Variants in ACVR1 observed in about 807,000 individuals in gnomAD.
ACVR1 encodes activin A receptor type 1.
A neutral mutation model predicts 57.1 loss-of-function variants in ACVR1; 38 were observed. The observed-to-expected ratio is 0.67, with a 90% confidence interval of 0.51 to 0.87. The LOEUF is 0.87. Ranked by LOEUF, ACVR1 falls within the 40% of genes least tolerant of loss-of-function variation. ACVR1 has a pLI of 0.00. For synonymous variants in ACVR1, 212 were observed against 228.1 expected, an observed-to-expected ratio of 0.93 and a Z score of 0.63; for missense variants, 463 against 638.2, an observed-to-expected ratio of 0.73 and a Z score of 2.96.
chr2:157,862,422 TACACACACAC>T (rs68077740), intron 1 of ACVR1, among the ~76,000 whole-genome samples: 9,328 of 143,704 alleles, frequency 0.065, 304 homozygotes, highest in African/African-American at 0.071. Context: ...CATATACACA[TACACACACAC>T]ACACACACAC....
intron 1 of ACVR1, among the ~76,000 whole-genome samples, chr2:157,841,654 G>T (rs1010940978): frequency 6.6e-6 from 1 of 152,126 alleles, no homozygotes; most frequent in African/African-American, 2.4e-5. Flanking sequence ...GGAGGCTATA[G>T]TGTACCATGA....
chr2:157,788,109 G>A (rs1686779564), intron 3 of ACVR1, among the ~76,000 whole-genome samples: 2 of 152,138 alleles, frequency 1.3e-5, no homozygotes. Context: ...ACAGCTAAAG[G>A]TGAAAATGTC....
chr2:157,796,934 C>T (rs1284455981), intron 3 of ACVR1, among the ~76,000 whole-genome samples: 1 of 152,156 alleles, frequency 6.6e-6, no homozygotes, highest in East Asian at 1.9e-4. Context: ...ATGGGAATAT[C>T]TTTAACAACA....
At chr2:157,744,292 TA>T (rs1684881473) in intron 9 of ACVR1, among the ~76,000 whole-genome samples, 1 of 152,156 alleles carries the variant, frequency 6.6e-6, no homozygotes, top group Non-Finnish European at 1.5e-5. Context: ...GCATTAGAAG[TA>T]AAGCTATTTT....
At chr2:157,751,647 G>A (rs1215561799) in intron 9 of ACVR1, among the ~76,000 whole-genome samples, 1 of 152,170 alleles carries the variant, frequency 6.6e-6, no homozygotes. Flanking sequence ...GGCCTTTTGG[G>A]TTGTGTGGGA....
chr2:157,779,879 A>G (rs1002099015), intron 4 of ACVR1, among the ~76,000 whole-genome samples: 2 of 152,164 alleles, frequency 1.3e-5, no homozygotes, highest in Admixed American at 6.5e-5. Flanking sequence ...GAGGTCAGTG[A>G]GCCTTCTTTT....
At chr2:157,847,600 T>C (rs1488476105) in intron 1 of ACVR1, among the ~76,000 whole-genome samples, 3 of 152,220 alleles carry the variant, frequency 2.0e-5, no homozygotes, top group Non-Finnish European at 4.4e-5. Context: ...ATATTGAATG[T>C]TCCGTTCAAA....
intron 7 of ACVR1, among the ~76,000 whole-genome samples, chr2:157,768,791 T>C (rs868319330): frequency 2.6e-5 from 4 of 152,218 alleles, no homozygotes; most frequent in Admixed American, 1.3e-4. Flanking sequence ...TGTATATTGG[T>C]TACCTCAACA....
At position 157,837,398 on chromosome 2, in the gene ACVR1, C is replaced by T. The variant is rs527861916; in HGVS notation, c.-182-18839G>A. Among the ~76,000 whole-genome samples, 34 of 152,242 alleles carry T rather than the reference C, an allele frequency of 2.2e-4. No homozygotes were observed. The South Asian group carries it at 4.8e-3, about 21-fold the overall frequency. On this transcript the variant is annotated intron_variant, in intron 1 of 10. Coordinates refer to ENST00000434821, the MANE Select transcript of ACVR1 (RefSeq NM_001111067.4). ...ACAGAAGAGAGCTTCACTCAGAGAA[C>T]GGGTTCAGGAAGTACATATAGAATG...
intron 3 of ACVR1, among the ~76,000 whole-genome samples, chr2:157,795,511 C>A (rs990822802): frequency 2.6e-5 from 4 of 151,898 alleles, no homozygotes; most frequent in African/African-American, 7.3e-5. Context: ...GGCTATAGCA[C>A]TCACTGGATA....
intron 2 of ACVR1, among the ~76,000 whole-genome samples, chr2:157,808,867 C>T: frequency 7.9e-6 from 1 of 127,358 alleles, no homozygotes; most frequent in Admixed American, 9.2e-5. Flanking sequence ...AGGTAACAGT[C>T]AGTAATACAT....
intron 9 of ACVR1, among the ~76,000 whole-genome samples, chr2:157,758,690 GACCAAATGGACC>G (rs1465832504): frequency 1.3e-5 from 2 of 151,982 alleles, no homozygotes; most frequent in African/African-American, 2.4e-5. Flanking sequence ...ATGTACTTTA[GACCAAATGGACC>G]TAACAGGCAC....
intron 1 of ACVR1, among the ~76,000 whole-genome samples, chr2:157,866,390 C>T: frequency 6.6e-6 from 1 of 151,948 alleles, no homozygotes; most frequent in East Asian, 1.9e-4. Context: ...GTGGACACAG[C>T]TGATTAAGAA....
chr2:157,753,373 C>T (rs1053650128), intron 9 of ACVR1, among the ~76,000 whole-genome samples: 1 of 152,046 alleles, frequency 6.6e-6, no homozygotes, highest in African/African-American at 2.4e-5. Flanking sequence ...CCTAAAAATA[C>T]AAAAATTAGC....
chr2:157,750,029 G>C (rs959711103), intron 9 of ACVR1, among the ~76,000 whole-genome samples: 1 of 152,134 alleles, frequency 6.6e-6, no homozygotes, highest in African/African-American at 2.4e-5. Flanking sequence ...GGATGAGCCC[G>C]CCCAGCCTGC....
chr2:157,838,647 G>A (rs1031484073), intron 1 of ACVR1, among the ~76,000 whole-genome samples: 14 of 152,204 alleles, frequency 9.2e-5, no homozygotes, highest in East Asian at 3.9e-4. Flanking sequence ...CTCATGCTCC[G>A]TGAGTCATGG....
chr2:157,809,953 G>A (rs899852411), intron 2 of ACVR1, among the ~76,000 whole-genome samples: 1 of 152,084 alleles, frequency 6.6e-6, no homozygotes, highest in Non-Finnish European at 1.5e-5. Flanking sequence ...GTGTGGGCCT[G>A]TAGTCCCAGC....
chr2:157,794,807 G>GA (rs1438779300), intron 3 of ACVR1, among the ~76,000 whole-genome samples: 2 of 151,046 alleles, frequency 1.3e-5, no homozygotes, highest in Non-Finnish European at 2.9e-5. Context: ...TATAAGTGGT[G>GA]AAAAAATCTT....
chr2:157,753,804 T>A (rs1009513554), intron 9 of ACVR1, among the ~76,000 whole-genome samples: 2 of 152,156 alleles, frequency 1.3e-5, no homozygotes, highest in South Asian at 4.1e-4. Flanking sequence ...CCACAGAATA[T>A]ACATTCTATT....
Sources: gnomAD v4.1 joint callset for allele counts (sites outside exome capture counted in the v4.1 genomes callset) on GRCh38, gnomAD v4.1.1 for gene constraint, MANE v1.5 for transcripts, NCBI Gene and HGNC (gene_info 2026-07-23, HGNC 2026-07-21) for gene names.